FMN2: variants seen among roughly 807,000 people sequenced by gnomAD.
The protein encoded by FMN2 is formin 2.
FMN2 carries 51 observed loss-of-function variants against 142.3 expected under a neutral mutation model. The observed-to-expected ratio is 0.36, with a 90% CI of 0.29 to 0.45. The LOEUF (loss-of-function observed/expected upper bound fraction) is 0.45. Among genes scored for constraint, FMN2 ranks in the 20% least tolerant of loss-of-function variants. The pLI is 1.00. For synonymous variants in FMN2, 882 were observed against 869.8 expected, an observed-to-expected ratio of 1.01 and a Z score of -0.25; for missense variants, 1,936 against 2,122.8, an observed-to-expected ratio of 0.91 and a Z score of 1.73.
chr1:240,281,675 C>T (rs1202747325), intron 7 of FMN2, among the ~76,000 whole-genome samples: 1 of 152,108 alleles, frequency 6.6e-6, no homozygotes, highest in African/African-American at 2.4e-5. Flanking sequence ...AATAAATGGT[C>T]TCCTTTCAAT....
At chr1:240,368,955 T>TTATATATA (rs10671772) in intron 14 of FMN2, among the ~76,000 whole-genome samples, 5,712 of 148,030 alleles carry the variant, frequency 0.039, 298 homozygotes, top group African/African-American at 0.12. Context: ...AACACAATGT[T>TTATATATA]TATATATATA....
At chr1:240,105,548 A>G (rs1447046811) in intron 1 of FMN2, among the ~76,000 whole-genome samples, 2 of 152,164 alleles carry the variant, frequency 1.3e-5, no homozygotes, top group African/African-American at 4.8e-5. Flanking sequence ...TTATCTGAGA[A>G]TGTGAAAGAT....
chr1:240,125,060 A>G (rs1662444451), intron 2 of FMN2, among the ~76,000 whole-genome samples: 1 of 152,240 alleles, frequency 6.6e-6, no homozygotes, highest in African/African-American at 2.4e-5. Flanking sequence ...TAAAATAATG[A>G]TGAGCTTTAA....
Position 240,093,468 on chromosome 1 carries a change from A to G in FMN2, c.1359A>G (p.Arg453=). 1.2e-6 allele frequency: 2 copies of G among 1,613,124 alleles called. No individual in the cohort carries two copies. Among genetic ancestry groups the G allele is most frequent in the South Asian group, 2.2e-5 (2 of 91,018 alleles). Residue 453 remains arginine, a synonymous_variant, in exon 1 of 18, where the codon CGA becomes CGG. Coordinates refer to ENST00000319653, the MANE Select transcript of FMN2 (RefSeq NM_020066.5). ...IKRRPEPSLS[R]GSRTALASVA... is the part of the protein sequence containing the mutation. ...GGCGGCCGGAACCCTCCCTGAGCCGAGGGTCCAGAACTGCCCTGGCCTCCG... is the reference window on the plus strand; with the variant it reads ...GGCGGCCGGAACCCTCCCTGAGCCGGGGGTCCAGAACTGCCCTGGCCTCCG...
At chr1:240,462,912 TCATGGGAGAG>T (rs1676493249) in intron 16 of FMN2, among the ~76,000 whole-genome samples, 1 of 152,168 alleles carries the variant, frequency 6.6e-6, no homozygotes, top group African/African-American at 2.4e-5. Flanking sequence ...CTGAAAGGCC[TCATGGGAGAG>T]CACAGGAAAA....
At chr1:240,202,978 C>T (rs144483762) in intron 4 of FMN2, among the ~76,000 whole-genome samples, 1 of 152,010 alleles carries the variant, frequency 6.6e-6, no homozygotes, top group African/African-American at 2.4e-5. Flanking sequence ...AAAAAGAAAA[C>T]CCTAGTTATG....
intron 16 of FMN2, among the ~76,000 whole-genome samples, chr1:240,447,416 A>C (rs761209753): frequency 1.5e-4 from 23 of 152,210 alleles, no homozygotes; most frequent in Non-Finnish European, 1.3e-4. Flanking sequence ...ATGTAAGTAG[A>C]ATGGCCAGTA....
intron 6 of FMN2, among the ~76,000 whole-genome samples, chr1:240,241,653 TTTAA>T (rs1327226657): frequency 5.3e-5 from 8 of 152,130 alleles, no homozygotes; most frequent in Admixed American, 3.9e-4. Flanking sequence ...TGCTGGGACA[TTTAA>T]TTACTCTATT....
At chr1:240,186,876 A>T (rs1665477517) in intron 3 of FMN2, among the ~76,000 whole-genome samples, 1 of 151,942 alleles carries the variant, frequency 6.6e-6, no homozygotes, top group Non-Finnish European at 1.5e-5. Flanking sequence ...ACAGTATGTT[A>T]AGCTGTTTAA....
Position 240,178,057 on chromosome 1 carries a change from A to G in FMN2, c.1919A>G (p.Asp640Gly). The G allele has an allele frequency of 6.3e-7, 1 of 1,598,276 alleles. No homozygotes were observed. Among genetic ancestry groups the G allele is most frequent in the African/African-American group, 1.3e-5 (1 of 74,182 alleles). ...KPPDEEHRLE[D>G]AETESQSAVS... ...CCCGATGAGGAACACAGGCTCGAGG[A>G]TGCTGAAACAGGTAACCCTTTCCTT... Residue 640 changes from aspartate (D) to glycine (G), a missense_variant, in exon 3 of 18, where the codon GAT becomes GGT. Asp to Gly is a moderately conservative substitution (Grantham distance 94). Around this residue, in one of 8 missense-constraint regions of FMN2, gnomAD observed 478 missense variants for 462.8 expected, o/e 1.03. Coordinates refer to ENST00000319653, the MANE Select transcript of FMN2 (RefSeq NM_020066.5).
intron 14 of FMN2, among the ~76,000 whole-genome samples, chr1:240,379,730 T>C (rs970694994): frequency 2.6e-5 from 4 of 152,174 alleles, no homozygotes; most frequent in Non-Finnish European, 5.9e-5. Context: ...GTTTGGTTCT[T>C]TTCAATTAAG....
intron 15 of FMN2, among the ~76,000 whole-genome samples, 161 bp from the exon 16 acceptor site, chr1:240,437,894 TCTTAAC>T (rs1264232471): frequency 6.6e-6 from 1 of 152,192 alleles, no homozygotes; most frequent in African/African-American, 2.4e-5. Context: ...TATCCAAAAC[TCTTAAC>T]CTTAAACCAT....
In FMN2 at chr1:240,329,187, A is replaced by G. The variant is rs1181606696; in HGVS notation, c.4307+20A>G. On this transcript the variant is annotated intron_variant, in intron 9 of 17. Coordinates refer to ENST00000319653, the MANE Select transcript of FMN2 (RefSeq NM_020066.5). ...TGAACAGTAAGCATGTCTTATAACCACGTAGAGGGCGTCCAGGCTATGGGT... is the reference window on the plus strand; with the variant it reads ...TGAACAGTAAGCATGTCTTATAACCGCGTAGAGGGCGTCCAGGCTATGGGT... 3 of 1,613,164 alleles carry G rather than the reference A, an allele frequency of 1.9e-6. No individual in the cohort carries two copies. Among genetic ancestry groups the G allele is most frequent in the African/African-American group, 2.7e-5 (2 of 74,888 alleles).
chr1:240,301,592 T>TTTTA (rs1670199485), intron 8 of FMN2, among the ~76,000 whole-genome samples: 1 of 151,910 alleles, frequency 6.6e-6, no homozygotes, highest in Non-Finnish European at 1.5e-5. Flanking sequence ...TTAGAATTTT[T>TTTTA]TTTATCTCAC....
At chr1:240,238,772 G>T (rs1035196437) in intron 6 of FMN2, among the ~76,000 whole-genome samples, 1 of 152,046 alleles carries the variant, frequency 6.6e-6, no homozygotes, top group Non-Finnish European at 1.5e-5. Context: ...ACCCTAAACT[G>T]CAAACCTTCT....
chr1:240,180,246 T>C (rs1409620355), intron 3 of FMN2: 1 of 1,085,120 alleles, frequency 9.2e-7, no homozygotes, highest in East Asian at 6.1e-5. Flanking sequence ...AGCAGTCATA[T>C]AGCATTTTTT....
At chr1:240,244,592 A>G (rs766640974) in intron 6 of FMN2, among the ~76,000 whole-genome samples, 1 of 152,236 alleles carries the variant, frequency 6.6e-6, no homozygotes, top group Non-Finnish European at 1.5e-5. Flanking sequence ...TCTAAGTTAC[A>G]GAAGATATTA....
chr1:240,353,008 C>T (rs1672146530), intron 13 of FMN2, among the ~76,000 whole-genome samples: 1 of 152,208 alleles, frequency 6.6e-6, no homozygotes, highest in African/African-American at 2.4e-5. Context: ...GTTCTGTAAA[C>T]ACTAGCCATC....
At chr1:240,377,179 G>C (rs1572246398) in intron 14 of FMN2, among the ~76,000 whole-genome samples, 1 of 152,214 alleles carries the variant, frequency 6.6e-6, no homozygotes, top group Non-Finnish European at 1.5e-5. Context: ...TATTCTACCT[G>C]AATAACTTCC....
Sources: gnomAD v4.1 joint callset for allele counts (sites outside exome capture counted in the v4.1 genomes callset) on GRCh38, gnomAD v4.1.1 for gene constraint, gnomAD v4.1.1 regional missense constraint, MANE v1.5 for transcripts, NCBI Gene and HGNC (gene_info 2026-07-23, HGNC 2026-07-21) for gene names.